The following MTSS2 variants were observed in gnomAD, a reference collection of about 807,000 sequenced individuals.
The protein encoded by MTSS2 is MTSS I-BAR domain containing 2.
A neutral mutation model predicts 67.1 loss-of-function variants in MTSS2; 27 were observed. The ratio of observed to expected loss-of-function variants is 0.40; its 90% confidence interval spans 0.30 to 0.55. The LOEUF is 0.55. Ranked by LOEUF, MTSS2 falls within the 20% of genes least tolerant of loss-of-function variation. MTSS2 has a pLI of 0.43. For missense variants in MTSS2, 1,171 were observed against 1,067.8 expected (o/e 1.10, Z -1.35); for synonymous variants, 624 against 468.6 (o/e 1.33, Z -4.28).
rs1404748176 is a variant in MTSS2, at chr16:70,663,845, C to T, written c.2076G>A (p.Gln692=). The T allele has an allele frequency of 3.2e-6, 5 of 1,541,052 alleles. No homozygotes were observed. The highest frequency in any genetic ancestry group is 2.4e-5 in the East Asian group (1 of 40,896). The change falls in exon 15 of 15, where the codon CAG becomes CAA. Residue 692 remains glutamine, a synonymous_variant. Coordinates refer to ENST00000338779, the MANE Select transcript of MTSS2 (RefSeq NM_138383.3). ...CCGACAGAGCAGTGGGGAAGGGGAA[C>T]TGGCCCTCACCCAGTGCGTGGGCAC... ...VAGAHALGEG[Q]FPFPTALSAT...
chr16:70,682,093 C>T (rs1276228589), intron 1 of MTSS2, among the ~76,000 whole-genome samples: 1 of 152,214 alleles, frequency 6.6e-6, no homozygotes, highest in Non-Finnish European at 1.5e-5. Flanking sequence ...CTTGCCCTGC[C>T]AGACTAGGAG....
At chr16:70,665,901 G>A (rs2052697390) in intron 11 of MTSS2, 1 of 195,644 alleles carries the variant, frequency 5.1e-6, no homozygotes, top group Admixed American at 5.6e-5. Flanking sequence ...TGGTGTCACA[G>A]TTTTCTCAGA....
intron 11 of MTSS2, among the ~76,000 whole-genome samples, chr16:70,666,803 A>G (rs1290655599): frequency 1.3e-5 from 2 of 152,266 alleles, no homozygotes; most frequent in East Asian, 1.9e-4. Flanking sequence ...ATACAAAGAC[A>G]CAAGCTGCTA....
intron 11 of MTSS2, among the ~76,000 whole-genome samples, chr16:70,669,445 G>A (rs988061231): frequency 2.6e-5 from 4 of 152,220 alleles, no homozygotes; most frequent in African/African-American, 9.7e-5. Context: ...CTATTCAGGA[G>A]GCTGAGGTAG....
In MTSS2 at chr16:70,664,116, G is replaced by T. The variant is rs756848944; in HGVS notation, c.1805C>A (p.Pro602His). 6.2e-7 allele frequency: 1 copy of T among 1,611,634 alleles called. No homozygotes were observed. The highest frequency in any genetic ancestry group is 1.3e-5 in the African/African-American group (1 of 75,038). Reference protein sequence around the residue: ...PVKTPTVPDSPGYMGPTRAGS... With the variant: ...PVKTPTVPDSHGYMGPTRAGS... ...CGCCCGTGTGGGCCCCATGTAGCCG[G>T]GGGAGTCAGGCACCGTGGGCGTCTT... is the stretch of plus-strand genomic sequence containing the variant. The change falls in exon 15 of 15, where the codon CCC becomes CAC. Residue 602 changes from proline to histidine, a missense_variant. Around this residue, in one of 2 missense-constraint regions of MTSS2, gnomAD observed 924 missense variants for 756.0 expected, o/e 1.22. Transcript: ENST00000338779.
intron 4 of MTSS2, 29 bp from the exon 5 acceptor site, chr16:70,679,906 AGGGCC>A: frequency 6.4e-7 from 1 of 1,564,202 alleles, no homozygotes; most frequent in South Asian, 1.1e-5. Context: ...AGCGCAGGTC[AGGGCC>A]GGGCTCCCCC....
At chr16:70,678,047 G>A in intron 8 of MTSS2, 148 bp from the exon 9 acceptor site, 1 of 947,138 alleles carries the variant, frequency 1.1e-6, no homozygotes, top group Non-Finnish European at 1.6e-6. Context: ...TGCAGGTGGG[G>A]CCCACACAGC....
chr16:70,675,414 C>A (rs1024017748), intron 10 of MTSS2, among the ~76,000 whole-genome samples: 1 of 152,122 alleles, frequency 6.6e-6, no homozygotes, highest in South Asian at 2.1e-4. Flanking sequence ...CAGAGCGAGA[C>A]CCTGTCTCAC....
At position 70,680,703 on chromosome 16, in the gene MTSS2, C is replaced by T. The variant is rs148617870; in HGVS notation, c.205+91G>A. The T allele has an allele frequency of 4.5e-4, 531 of 1,182,530 alleles. 4 individuals are homozygous for T. In the African/African-American group the frequency reaches 6.0e-3, roughly 13 times the overall value. 73.3% of individuals were successfully genotyped at this position (1,182,530 alleles called of 1,614,324 possible). ...ACTCAAGGTTCTGGGCTTGGCGTCC[C>T]GTCCTTTCCCTGGCCCATCCCCTAC... On this transcript the variant is annotated intron_variant, in intron 3 of 14. Coordinates refer to ENST00000338779, the MANE Select transcript of MTSS2 (RefSeq NM_138383.3).
intron 1 of MTSS2, among the ~76,000 whole-genome samples, chr16:70,685,513 C>T (rs1379534874): frequency 6.6e-6 from 1 of 151,922 alleles, no homozygotes; most frequent in African/African-American, 2.4e-5. Flanking sequence ...CCGCGGGCAC[C>T]GCACGGACAC....
chr16:70,671,289 GCTA>G lies in MTSS2; in HGVS notation c.1053+3014_1053+3016del, dbSNP rs576574832. ...GTGGTGGTGTGTGCCTGTAATCCCAGCTACTTAGGAGGCTGAGGCAGGGGAATG... is the reference window on the plus strand; with the variant it reads ...GTGGTGGTGTGTGCCTGTAATCCCAGCTTAGGAGGCTGAGGCAGGGGAATG... On this transcript the variant is annotated intron_variant, in intron 11 of 14. Transcript: ENST00000338779. Among the ~76,000 whole-genome samples, 354 of 151,930 alleles carry G rather than the reference GCTA, an allele frequency of 2.3e-3. 2 individuals are homozygous for G. The highest frequency in any genetic ancestry group is 4.3e-3 in the Non-Finnish European group (292 of 67,976).
Position 70,664,159 on chromosome 16 carries a change from G to A in MTSS2, c.1762C>T (p.Pro588Ser), listed in dbSNP as rs779429436. The A allele has an allele frequency of 6.2e-7, 1 of 1,606,962 alleles. No individual in the cohort carries two copies. Among genetic ancestry groups the A allele is most frequent in the Non-Finnish European group, 8.5e-7 (1 of 1,179,506 alleles). The change falls in exon 15 of 15, where the codon CCG becomes TCG. Residue 588 changes from proline (P) to serine (S), a missense_variant. This residue lies in a region of MTSS2 where 924 missense variants were observed against 756.0 expected (regional missense o/e 1.22). Transcript: ENST00000338779. Reference protein sequence around the residue: ...LSSAGPIPIRPPIVPVKTPTV... With the variant: ...LSSAGPIPIRSPIVPVKTPTV... The stretch of plus-strand genomic sequence containing the variant: ...GGCGTCTTCACAGGGACGATGGGCG[G>A]CCGGATGGGGATGGGGCCAGCGCTG...
intron 11 of MTSS2, among the ~76,000 whole-genome samples, chr16:70,669,902 G>C (rs1001647337): frequency 6.6e-6 from 1 of 151,984 alleles, no homozygotes; most frequent in African/African-American, 2.4e-5. Flanking sequence ...CTATTACTCT[G>C]CACCCACTAG....
intron 1 of MTSS2, among the ~76,000 whole-genome samples, chr16:70,684,452 G>A (rs2053394636): frequency 2.0e-5 from 3 of 152,194 alleles, no homozygotes; most frequent in Admixed American, 2.0e-4. Flanking sequence ...CGGGGGCAGA[G>A]ATCTGGCAGC....
chr16:70,679,122 C>T (rs529320598), intron 7 of MTSS2, among the ~76,000 whole-genome samples, 193 bp downstream of exon 7: 2 of 152,100 alleles, frequency 1.3e-5, no homozygotes, highest in Non-Finnish European at 2.9e-5. Flanking sequence ...AGCAGTGGCC[C>T]GGGACTCATC....
intron 10 of MTSS2, among the ~76,000 whole-genome samples, chr16:70,674,937 AC>A (rs1445128826): frequency 3.3e-5 from 5 of 152,052 alleles, no homozygotes; most frequent in Non-Finnish European, 7.4e-5. Context: ...ACATAGCGAA[AC>A]CCCATCACCA....
intron 1 of MTSS2, among the ~76,000 whole-genome samples, chr16:70,683,733 C>T (rs868657290): frequency 4.6e-5 from 7 of 152,148 alleles, no homozygotes; most frequent in East Asian, 1.9e-4. Context: ...GGTGGCCTCA[C>T]GGGGCAAGCT....
intron 3 of MTSS2, among the ~76,000 whole-genome samples, chr16:70,680,290 C>G (rs755906933): frequency 2.6e-5 from 4 of 152,132 alleles, no homozygotes; most frequent in African/African-American, 4.8e-5. Flanking sequence ...TCTCTCCCAG[C>G]TGGGAGAGGC....
rs1234901175 is a variant in MTSS2, at chr16:70,685,972, C to G, written c.-181G>C. The G allele has an allele frequency of 6.5e-6, 1 of 154,226 alleles. No individual in the cohort carries two copies. The highest frequency in any genetic ancestry group is 1.4e-5 in the Non-Finnish European group (1 of 73,194). The allele number at this position is 154,226 out of a possible 1,614,324, so 9.6% of individuals were successfully genotyped here. On this transcript the variant is annotated 5_prime_UTR_variant, in exon 1 of 15. Coordinates refer to ENST00000338779, the MANE Select transcript of MTSS2 (RefSeq NM_138383.3). ...GGTCGCGGGCCTCCGGCGGGCGGCG[C>G]GGGCCATGTCGCAGCGGGGCTGGCG... is the stretch of plus-strand genomic sequence containing the variant.
Sources: gnomAD v4.1 joint callset for allele counts (sites outside exome capture counted in the v4.1 genomes callset) on GRCh38, gnomAD v4.1.1 for gene constraint, gnomAD v4.1.1 regional missense constraint, MANE v1.5 for transcripts, NCBI Gene and HGNC (gene_info 2026-07-23, HGNC 2026-07-21) for gene names.